The following GPHN variants were observed in gnomAD, a reference collection of about 807,000 sequenced individuals.
GPHN encodes the protein gephyrin.
GPHN carries 17 observed loss-of-function variants against 95.5 expected under a neutral mutation model. The ratio of observed to expected loss-of-function variants is 0.18; its 90% CI spans 0.12 to 0.27. The LOEUF (loss-of-function observed/expected upper bound fraction) is 0.27. GPHN is among the 10% of genes least tolerant of loss of function. GPHN has a pLI of 1.00. For synonymous variants in GPHN, 320 were observed against 322.5 expected, an observed-to-expected ratio of 0.99 and a Z score of 0.08; for missense variants, 660 against 978.1, an observed-to-expected ratio of 0.67 and a Z score of 4.34.
chr14:67,122,494 A>G (rs2079069179), intron 17 of GPHN, 117 bp downstream of exon 17: 1 of 865,416 alleles, frequency 1.2e-6, no homozygotes. Flanking sequence ...ATTTTCACTT[A>G]TCTCATTCTT....
At chr14:67,514,161 G>A in the GPHN span, among the ~76,000 whole-genome samples, 1 of 152,158 alleles carries the variant, frequency 6.6e-6, no homozygotes, top group Non-Finnish European at 1.5e-5. Flanking sequence ...TCCCTCCAGG[G>A]AGAGCCTTGA....
At chr14:66,803,353 T>C (rs1234249516) in intron 3 of GPHN, among the ~76,000 whole-genome samples, 1 of 152,230 alleles carries the variant, frequency 6.6e-6, no homozygotes, top group East Asian at 1.9e-4. Flanking sequence ...TCAATGCCTC[T>C]TTTAGCAATA....
chr14:66,964,784 G>A (rs1335650846), intron 8 of GPHN, among the ~76,000 whole-genome samples: 1 of 152,164 alleles, frequency 6.6e-6, no homozygotes, highest in Non-Finnish European at 1.5e-5. Flanking sequence ...AAAATAATTT[G>A]TTGATGGTGT....
intron 5 of GPHN, 131 bp downstream of exon 5, chr14:66,880,164 C>T: frequency 2.9e-6 from 2 of 694,652 alleles, no homozygotes; most frequent in South Asian, 1.5e-5. Context: ...TTAGCTTATA[C>T]TAATCACTTA....
chr14:67,514,975 T>G, the GPHN span: 2 of 123,442 alleles, frequency 1.6e-5, no homozygotes, highest in Non-Finnish European at 3.8e-5. Flanking sequence ...CGCCCAGTCT[T>G]CCCCTCACCG....
chr14:66,916,502 G>GTTTTTTTTTTTTTTTTT (rs755169347), intron 6 of GPHN, among the ~76,000 whole-genome samples: 2 of 128,326 alleles, frequency 1.6e-5, no homozygotes, highest in African/African-American at 5.8e-5. Flanking sequence ...TTTTGGTTTG[G>GTTTTTTTTTTTTTTTTT]TTTTTTTTTT....
At chr14:67,632,356 A>G in the GPHN span, among the ~76,000 whole-genome samples, 2 of 152,338 alleles carry the variant, frequency 1.3e-5, no homozygotes, top group South Asian at 2.1e-4. Flanking sequence ...ATCATCACCA[A>G]TACGTGGCAA....
At chr14:67,081,166 G>C (rs1362254526) in intron 11 of GPHN, among the ~76,000 whole-genome samples, 1 of 152,146 alleles carries the variant, frequency 6.6e-6, no homozygotes, top group African/African-American at 2.4e-5. Flanking sequence ...TCTACTTTCA[G>C]TTCTTTAAGG....
intron 1 of GPHN, among the ~76,000 whole-genome samples, chr14:66,577,284 TAC>T (rs2060947135): frequency 6.6e-6 from 1 of 152,156 alleles, no homozygotes; most frequent in Non-Finnish European, 1.5e-5. Flanking sequence ...TTCTTGGGCA[TAC>T]AGTGATTTCA....
At chr14:66,971,210 C>A (rs2069744626) in intron 9 of GPHN, among the ~76,000 whole-genome samples, 1 of 152,142 alleles carries the variant, frequency 6.6e-6, no homozygotes, top group Admixed American at 6.6e-5. Context: ...TGCCTGTAAT[C>A]CCAGGTACTC....
the GPHN span, among the ~76,000 whole-genome samples, chr14:67,288,445 G>A: frequency 2.6e-5 from 4 of 152,050 alleles, no homozygotes; most frequent in African/African-American, 4.8e-5. Flanking sequence ...TAATCCTAGC[G>A]CTTTGGGTGG....
chr14:66,884,417 A>G (rs1242379925), intron 5 of GPHN, among the ~76,000 whole-genome samples: 3 of 152,108 alleles, frequency 2.0e-5, no homozygotes, highest in Admixed American at 6.6e-5. Flanking sequence ...CAAGTGTTCA[A>G]ACTTTAATAC....
intron 8 of GPHN, among the ~76,000 whole-genome samples, chr14:66,959,752 T>C (rs893211620): frequency 7.2e-5 from 11 of 151,996 alleles, no homozygotes; most frequent in African/African-American, 2.7e-4. Flanking sequence ...TTGAACTTCT[T>C]GTGTGCATTC....
the GPHN span, among the ~76,000 whole-genome samples, chr14:67,488,043 A>G: frequency 6.6e-6 from 1 of 152,254 alleles, no homozygotes; most frequent in African/African-American, 2.4e-5. Flanking sequence ...CCTGGATACA[A>G]CACCATCTGC....
intron 1 of GPHN, among the ~76,000 whole-genome samples, chr14:66,652,269 C>G (rs1224913616): frequency 6.6e-6 from 1 of 152,022 alleles, no homozygotes; most frequent in Non-Finnish European, 1.5e-5. Flanking sequence ...CTTCATTCCC[C>G]TATTGATAAG....
At chr14:67,543,381 A>G in the GPHN span, among the ~76,000 whole-genome samples, 2 of 152,212 alleles carry the variant, frequency 1.3e-5, no homozygotes, top group Non-Finnish European at 2.9e-5. Flanking sequence ...AGACTTTGCA[A>G]AACAGAGATG....
intron 1 of GPHN, among the ~76,000 whole-genome samples, chr14:66,516,432 T>C (rs2058250789): frequency 1.3e-5 from 2 of 152,192 alleles, no homozygotes; most frequent in Non-Finnish European, 1.5e-5. Flanking sequence ...CTTCCTGCCC[T>C]GCCCTTCTAA....
At chr14:66,687,601 T>C (rs1478145365) in intron 2 of GPHN, among the ~76,000 whole-genome samples, 1 of 149,670 alleles carries the variant, frequency 6.7e-6, no homozygotes, top group Admixed American at 6.7e-5. Context: ...GCGGTTCTCC[T>C]GCCTCAGCCT....
chr14:67,438,785 C>T, the GPHN span, among the ~76,000 whole-genome samples: 2 of 147,730 alleles, frequency 1.4e-5, no homozygotes, highest in Non-Finnish European at 3.0e-5. Flanking sequence ...TGCTTGAACC[C>T]AGGGAGCGGA....
Sources: allele counts gnomAD v4.1 joint callset (sites outside exome capture counted in the v4.1 genomes callset), GRCh38; gene constraint gnomAD v4.1.1; transcripts MANE v1.5; gene names NCBI Gene and HGNC (gene_info 2026-07-23, HGNC 2026-07-21).